The following BRAF variants were observed in gnomAD, a reference collection of about 807,000 sequenced individuals.
BRAF encodes serine/threonine-protein kinase B-raf.
Under a neutral mutation model 104.6 loss-of-function variants are expected in BRAF, and 16 were observed. The observed-to-expected ratio is 0.15, with a 90% CI of 0.10 to 0.23. The LOEUF (loss-of-function observed/expected upper bound fraction) is 0.23, where lower values mean the gene tolerates loss of function less well. BRAF is among the 10% of genes least tolerant of loss of function. BRAF has a pLI of 1.00. For synonymous variants in BRAF, 310 were observed against 341.6 expected (o/e 0.91, Z 1.02); for missense variants, 541 against 937.3 (o/e 0.58, Z 5.52).
rs758553809 is a variant in BRAF, at chr7:140,801,414, A to C, written c.858T>G (p.Leu286=). The C allele has an allele frequency of 1.9e-6, 3 of 1,613,822 alleles. No homozygotes were observed. The African/African-American group carries it at 4.0e-5, about 22-fold the overall frequency. The part of the protein sequence containing the change: ...VPLMCVNYDQ[L]DLLFVSKFFE... ...AGAGATATTTTTGGATTACTTACTC[A>C]AGTTGGTCATAATTAACACACATCA... is the stretch of plus-strand genomic sequence containing the variant. The change falls in exon 6 of 20, where the codon CTT becomes CTG. Residue 286 remains leucine, a splice_region_variant and synonymous_variant. Coordinates refer to ENST00000644969, the MANE Select transcript of BRAF (RefSeq NM_001374258.1).
At chr7:140,849,928 GTTTAT>G (rs1008473052) in intron 2 of BRAF, among the ~76,000 whole-genome samples, 178 bp downstream of exon 2, 46 of 152,122 alleles carry the variant, frequency 3.0e-4, no homozygotes, top group African/African-American at 8.9e-4. Flanking sequence ...TAAAATACAT[GTTTAT>G]TTTAACAAGT....
chr7:140,879,550 TAAAAA>T (rs71170768), intron 1 of BRAF, among the ~76,000 whole-genome samples: 1 of 121,708 alleles, frequency 8.2e-6, no homozygotes, highest in African/African-American at 3.0e-5. Context: ...AGCATTATTC[TAAAAA>T]AAAAAAAAAA....
At chr7:140,773,593 C>T (rs1349613276) in intron 14 of BRAF, among the ~76,000 whole-genome samples, 1 of 152,190 alleles carries the variant, frequency 6.6e-6, no homozygotes, top group Non-Finnish European at 1.5e-5. Flanking sequence ...ATTTTCCCCT[C>T]TCTAGAGAAG....
chr7:140,826,692 A>G (rs1441110144), intron 3 of BRAF, among the ~76,000 whole-genome samples: 2 of 152,160 alleles, frequency 1.3e-5, no homozygotes, highest in Non-Finnish European at 2.9e-5. Context: ...GTTCCATCTC[A>G]AAAAAGCGTG....
chr7:140,860,625 T>C (rs1384263003), intron 1 of BRAF, among the ~76,000 whole-genome samples: 1 of 152,170 alleles, frequency 6.6e-6, no homozygotes, highest in African/African-American at 2.4e-5. Flanking sequence ...CACTCCCACC[T>C]GGGCAACAGA....
At chr7:140,912,283 C>G (rs1817071957) in intron 1 of BRAF, among the ~76,000 whole-genome samples, 1 of 152,212 alleles carries the variant, frequency 6.6e-6, no homozygotes. Flanking sequence ...AGTCTTACTT[C>G]ACTGAAAAAA....
intron 5 of BRAF, among the ~76,000 whole-genome samples, chr7:140,802,846 C>T (rs1462292991): frequency 6.6e-6 from 1 of 152,010 alleles, no homozygotes; most frequent in Non-Finnish European, 1.5e-5. Flanking sequence ...CCTAAGTGTA[C>T]AATGTTTATC....
chr7:140,761,907 C>T (rs533502256), intron 14 of BRAF, among the ~76,000 whole-genome samples: 138 of 152,274 alleles, frequency 9.1e-4, no homozygotes, highest in African/African-American at 3.3e-3. Flanking sequence ...TAGTGACCTA[C>T]AAAGAGACTT....
intron 1 of BRAF, among the ~76,000 whole-genome samples, chr7:140,902,577 T>C (rs1815773880): frequency 6.6e-6 from 1 of 152,160 alleles, no homozygotes; most frequent in Admixed American, 6.5e-5. Flanking sequence ...AGATTGTAAA[T>C]GCAAAGGCAG....
At chr7:140,716,747 TACC>T (rs1284951674), downstream of BRAF, among the ~76,000 whole-genome samples, 1 of 152,238 alleles carries the variant, frequency 6.6e-6, no homozygotes, top group Non-Finnish European at 1.5e-5. Context: ...TTAATGTAAA[TACC>T]ACAATTAGTT....
chr7:140,764,426 T>C (rs1479292350), intron 14 of BRAF, among the ~76,000 whole-genome samples: 7 of 149,906 alleles, frequency 4.7e-5, no homozygotes, highest in African/African-American at 9.9e-5. Flanking sequence ...CTATTCAACA[T>C]AGTGTTGGAA....
chr7:140,913,747 G>C (rs897406460), intron 1 of BRAF, among the ~76,000 whole-genome samples: 21 of 152,216 alleles, frequency 1.4e-4, no homozygotes, highest in Non-Finnish European at 1.9e-4. Context: ...CTTTCAAAGT[G>C]CTGGGATTAC....
chr7:140,716,639 C>G (rs1480525565), downstream of BRAF, among the ~76,000 whole-genome samples: 3 of 152,178 alleles, frequency 2.0e-5, no homozygotes, highest in African/African-American at 7.2e-5. Context: ...CAAGTACATT[C>G]AAAGTTAAGT....
rs1467497845 is a variant in BRAF, at chr7:140,721,902, CG to C, written c.*4591del. Reference sequence around the variant, plus strand: ...TCCAGCTTCATGTGCAATCAAGTCCCGGGAAGAAATTTACATTTCAAACTCT... The same window carrying C: ...TCCAGCTTCATGTGCAATCAAGTCCCGGAAGAAATTTACATTTCAAACTCT... On this transcript the variant is annotated 3_prime_UTR_variant, in exon 20 of 20. Transcript: ENST00000644969. 3 of 1,256,302 alleles carry C rather than the reference CG, an allele frequency of 2.4e-6. No individual in the cohort carries two copies. The highest frequency in any genetic ancestry group is 3.0e-6 in the Non-Finnish European group (3 of 1,002,852). The allele number at this position is 1,256,302 out of a possible 1,614,324, so 77.8% of individuals were successfully genotyped here. A position where few individuals can be genotyped will look rare whatever the true frequency, so the allele number is the denominator to read the frequency against.
intron 1 of BRAF, among the ~76,000 whole-genome samples, chr7:140,865,989 A>AT (rs1810923015): frequency 1.3e-5 from 2 of 152,346 alleles, no homozygotes; most frequent in African/African-American, 4.8e-5. Flanking sequence ...ATAACTGTCC[A>AT]TAACGTCAAA....
intron 14 of BRAF, among the ~76,000 whole-genome samples, chr7:140,771,534 C>T (rs897778123): frequency 6.6e-6 from 1 of 152,142 alleles, no homozygotes; most frequent in Admixed American, 6.5e-5. Context: ...TATGAGTTAA[C>T]TGCAACCTTA....
chr7:140,902,585 CAG>C (rs1165520552), intron 1 of BRAF, among the ~76,000 whole-genome samples: 3 of 152,278 alleles, frequency 2.0e-5, no homozygotes, highest in Admixed American at 2.0e-4. Context: ...AATGCAAAGG[CAG>C]AGTTTTTGAA....
At chr7:140,745,068 C>T (rs1797242268) in intron 17 of BRAF, among the ~76,000 whole-genome samples, 1 of 152,070 alleles carries the variant, frequency 6.6e-6, no homozygotes, top group South Asian at 2.1e-4. Flanking sequence ...AAAAAAGGAA[C>T]CATGTAAAAC....
chr7:140,749,688 A>G (rs1292784761), intron 16 of BRAF, among the ~76,000 whole-genome samples: 1 of 152,222 alleles, frequency 6.6e-6, no homozygotes, highest in Non-Finnish European at 1.5e-5. Flanking sequence ...TCTGCAGAAA[A>G]TACCATCATT....
Sources: allele counts gnomAD v4.1 joint callset (sites outside exome capture counted in the v4.1 genomes callset), GRCh38; gene constraint gnomAD v4.1.1; transcripts MANE v1.5; gene names NCBI Gene and HGNC (gene_info 2026-07-23, HGNC 2026-07-21).